PHF5A: variants seen among roughly 807,000 people sequenced by gnomAD.
PHF5A encodes PHD finger-like domain-containing protein 5A.
For missense variants in PHF5A, 24 were observed against 140.6 expected (o/e 0.17, Z 4.19); for synonymous variants, 52 against 46.0 (o/e 1.13, Z -0.52).
At chr22:41,468,438 C>A (rs2037893104) in intron 1 of PHF5A, 164 bp downstream of exon 1, 1 of 787,668 alleles carries the variant, frequency 1.3e-6, no homozygotes. Flanking sequence ...GCCCTCTTCT[C>A]ATCAGAGGCC....
At chr22:41,460,602 G>C in intron 3 of PHF5A, 115 bp from the exon 4 acceptor site, 1 of 645,468 alleles carries the variant, frequency 1.5e-6, no homozygotes, top group East Asian at 3.0e-5. Context: ...GCTACTACTC[G>C]AAGGCCGAGG....
intron 2 of PHF5A, among the ~76,000 whole-genome samples, chr22:41,467,853 G>A (rs1362255000): frequency 6.6e-6 from 1 of 152,208 alleles, no homozygotes; most frequent in African/African-American, 2.4e-5. Flanking sequence ...CCTCGGAGAT[G>A]ATAAGCCTGT....
intron 1 of PHF5A, 103 bp downstream of exon 1, chr22:41,468,499 G>T (rs1356301070): frequency 5.3e-6 from 7 of 1,314,596 alleles, no homozygotes; most frequent in Non-Finnish European, 7.5e-6. Flanking sequence ...CGGGAAACGT[G>T]GCGCCTGCGA....
intron 3 of PHF5A, among the ~76,000 whole-genome samples, chr22:41,464,445 T>C (rs1452392351): frequency 6.6e-6 from 1 of 152,262 alleles, no homozygotes; most frequent in Non-Finnish European, 1.5e-5. Context: ...ATCATGTCAC[T>C]GGACTTCTTT....
chr22:41,464,225 A>G (rs549011034), intron 3 of PHF5A, among the ~76,000 whole-genome samples: 2 of 152,348 alleles, frequency 1.3e-5, no homozygotes, highest in East Asian at 1.9e-4. Context: ...GTCCATAGAC[A>G]TCATCCCTGT....
At chr22:41,463,658 T>C (rs2037843784) in intron 3 of PHF5A, among the ~76,000 whole-genome samples, 2 of 133,824 alleles carry the variant, frequency 1.5e-5, no homozygotes, top group Admixed American at 8.7e-5. Context: ...CCAGGAGGCA[T>C]AGGTTGCAGT....
rs11445364 is a variant in PHF5A, at chr22:41,461,393, C to CTT, written c.244-908_244-907dup. Among the ~76,000 whole-genome samples the CTT allele has an allele frequency of 5.4e-3, 785 of 145,744 alleles. 7 individuals carry two copies. The highest frequency in any genetic ancestry group is 8.2e-3 in the South Asian group (38 of 4,630). ...CACAGTTGAGGTAGACTATGAAACT[C>CTT]TTTTTTTTTTTTTGAGAAGGAATCT... On this transcript the variant is annotated intron_variant, in intron 3 of 3. Transcript: ENST00000216252.
Position 41,459,779 on chromosome 22 carries a change from A to G in PHF5A, c.*619T>C, listed in dbSNP as rs1175151617. 6.6e-6 allele frequency: 1 copy of G among 151,994 alleles called. No individual in the cohort carries two copies. Among genetic ancestry groups the G allele is most frequent in the Non-Finnish European group, 1.5e-5 (1 of 68,014 alleles). 9.4% of individuals were successfully genotyped at this position (151,994 alleles called of 1,614,324 possible). A position where few individuals can be genotyped will look rare whatever the true frequency, so the allele number is the denominator to read the frequency against. ...CAACAGAAAGAGTTTCCAATTTCTC[A>G]AAAGGAAAATAATATGAGACTAGTG... On this transcript the variant is annotated 3_prime_UTR_variant, in exon 4 of 4. Transcript: ENST00000216252.
intron 3 of PHF5A, among the ~76,000 whole-genome samples, chr22:41,461,676 T>A (rs758951830): frequency 4.6e-5 from 7 of 151,816 alleles, no homozygotes; most frequent in Non-Finnish European, 1.0e-4. Flanking sequence ...TATTTTATTT[T>A]TTTTTGAGAC....
chr22:41,461,157 G>A (rs952027427), intron 3 of PHF5A, among the ~76,000 whole-genome samples: 7 of 152,202 alleles, frequency 4.6e-5, no homozygotes, highest in Admixed American at 3.3e-4. Flanking sequence ...TGGGTAACAA[G>A]AGAGAAACTC....
intron 3 of PHF5A, among the ~76,000 whole-genome samples, chr22:41,461,284 T>C (rs1487652186): frequency 2.0e-5 from 3 of 152,188 alleles, no homozygotes; most frequent in African/African-American, 7.2e-5. Context: ...CACCTAAGAA[T>C]GTGCTCAGGG....
In PHF5A at chr22:41,459,808, TATGATG is replaced by T. The variant is rs1041368420; in HGVS notation, c.*584_*589del. Reference sequence around the variant, plus strand: ...GGAAAATAATATGAGACTAGTGGGCTATGATGATGCCTGTGAATAGCCAGCTACTGT... The same window carrying T: ...GGAAAATAATATGAGACTAGTGGGCTATGCCTGTGAATAGCCAGCTACTGT... On this transcript the variant is annotated 3_prime_UTR_variant, in exon 4 of 4. Transcript: ENST00000216252. The T allele has an allele frequency of 6.6e-6, 1 of 151,446 alleles. No homozygotes were observed. Among genetic ancestry groups the T allele is most frequent in the African/African-American group, 2.4e-5 (1 of 41,146 alleles). The allele number at this position is 151,446 out of a possible 1,614,324, so 9.4% of individuals were successfully genotyped here.
chr22:41,462,606 C>T (rs969767516), intron 3 of PHF5A, among the ~76,000 whole-genome samples: 1 of 152,176 alleles, frequency 6.6e-6, no homozygotes, highest in Non-Finnish European at 1.5e-5. Flanking sequence ...TGATATTAGA[C>T]ATAATAACAG....
intron 3 of PHF5A, among the ~76,000 whole-genome samples, chr22:41,466,026 A>G (rs1470138722): frequency 6.6e-6 from 1 of 152,248 alleles, no homozygotes; most frequent in Non-Finnish European, 1.5e-5. Flanking sequence ...ACTTATTGTG[A>G]GGAACAAGGT....
rs1463347035 is a variant in PHF5A at position 41,459,790 on chromosome 22, AAT to A, written c.*606_*607del. ...GTTTCCAATTTCTCAAAAGGAAAAT[AAT>A]ATGAGACTAGTGGGCTATGATGATG... On this transcript the variant is annotated 3_prime_UTR_variant, in exon 4 of 4. Transcript: ENST00000216252. 6.6e-6 allele frequency: 1 copy of A among 151,990 alleles called. No individual in the cohort carries two copies. Among genetic ancestry groups the A allele is most frequent in the African/African-American group, 2.4e-5 (1 of 41,402 alleles). The allele number at this position is 151,990 out of a possible 1,614,324, so 9.4% of individuals were successfully genotyped here.
intron 1 of PHF5A, 90 bp from the exon 2 acceptor site, chr22:41,468,237 G>A: frequency 7.7e-7 from 1 of 1,299,490 alleles, no homozygotes; most frequent in Middle Eastern, 1.8e-4. Flanking sequence ...GTAGGGACAT[G>A]AGTAAGGACT....
At chr22:41,468,377 T>C in intron 1 of PHF5A, 1 of 654,108 alleles carries the variant, frequency 1.5e-6, no homozygotes, top group Non-Finnish European at 2.6e-6. Context: ...TGGACCTGGT[T>C]CAGACCCCAC....
At chr22:41,466,827 C>CA (rs1160329832) in intron 3 of PHF5A, among the ~76,000 whole-genome samples, 4 of 151,618 alleles carry the variant, frequency 2.6e-5, no homozygotes, top group Non-Finnish European at 4.4e-5. Flanking sequence ...CCTGTCTCTA[C>CA]AAAAAAAATT....
At chr22:41,461,015 A>G (rs2037823165) in intron 3 of PHF5A, among the ~76,000 whole-genome samples, 1 of 152,044 alleles carries the variant, frequency 6.6e-6, no homozygotes, top group African/African-American at 2.4e-5. Flanking sequence ...TCTACTAAAA[A>G]TACAAAAATT....
Sources: gnomAD v4.1 joint callset for allele counts (sites outside exome capture counted in the v4.1 genomes callset) on GRCh38, gnomAD v4.1.1 for gene constraint, MANE v1.5 for transcripts, NCBI Gene and HGNC (gene_info 2026-07-23, HGNC 2026-07-21) for gene names.